Variants in CDKL5 observed in about 807,000 individuals in gnomAD.
CDKL5 encodes cyclin-dependent kinase-like 5.
In CDKL5, 8 loss-of-function variants were observed where a neutral mutation model predicts 61.7. The ratio of observed to expected loss-of-function variants is 0.13; its 90% CI spans 0.08 to 0.23. CDKL5 has a LOEUF of 0.23. Ranked by LOEUF, CDKL5 falls within the 10% of genes least tolerant of loss-of-function variation. CDKL5 has a pLI of 1.00. For synonymous variants in CDKL5, 275 were observed against 272.3 expected (o/e 1.01, Z -0.10); for missense variants, 440 against 734.5 (o/e 0.60, Z 4.63).
intron 3 of CDKL5, among the ~76,000 whole-genome samples, chrX:18,528,085 G>T (rs1055054832): frequency 6.3e-5 from 7 of 110,803 alleles, no homozygotes; most frequent in Non-Finnish European, 1.3e-4. Context: ...ATTTATTAAG[G>T]TATATGTTAT....
At chrX:18,557,360 C>A (rs1924642023) in intron 3 of CDKL5, among the ~76,000 whole-genome samples, 1 of 111,662 alleles carries the variant, frequency 9.0e-6, no homozygotes, top group African/African-American at 3.3e-5. Flanking sequence ...AGTATATAGG[C>A]GAATGTGCAT....
Position 18,563,466 on chromosome X carries a change from A to C in CDKL5, c.100-1011A>C, listed in dbSNP as rs17313028. Among the ~76,000 whole-genome samples, 187 of 112,051 alleles carry C rather than the reference A, an allele frequency of 1.7e-3. No homozygotes were observed. The South Asian group carries it at 0.025, about 15-fold the overall frequency. ...TGTACAAATAAGTTGTACCCTATAC[A>C]TACAAGTAAGTTGTCTCTACCCTAC... is the stretch of plus-strand genomic sequence containing the variant. On this transcript the variant is annotated intron_variant, in intron 3 of 17. Transcript: ENST00000623535.
intron 1 of CDKL5, among the ~76,000 whole-genome samples, chrX:18,484,780 C>T (rs1476909787): frequency 9.1e-6 from 1 of 109,502 alleles, no homozygotes; most frequent in Non-Finnish European, 1.9e-5. Flanking sequence ...TCAGGATCTT[C>T]CTCTGTCATC....
At chrX:18,542,877 C>T (rs1427195102) in intron 3 of CDKL5, among the ~76,000 whole-genome samples, 2 of 110,900 alleles carry the variant, frequency 1.8e-5, no homozygotes, top group African/African-American at 6.6e-5. Context: ...TGTTCAGCTC[C>T]TCATTTGGCC....
intron 1 of CDKL5, among the ~76,000 whole-genome samples, chrX:18,453,886 T>C (rs1932079418): frequency 8.9e-6 from 1 of 112,306 alleles, no homozygotes; most frequent in Admixed American, 9.5e-5. Flanking sequence ...TTGAGCTCGT[T>C]TTGTTTTACT....
intron 20 of CDKL5, among the ~76,000 whole-genome samples, chrX:18,648,940 G>A (rs745527450): frequency 2.4e-4 from 26 of 108,679 alleles, no homozygotes; most frequent in South Asian, 2.1e-3. Context: ...CCCAGCTACC[G>A]GGGAGGCTGA....
chrX:18,590,413 G>C (rs2147150267), intron 9 of CDKL5, among the ~76,000 whole-genome samples: 1 of 111,775 alleles, frequency 8.9e-6, no homozygotes, highest in African/African-American at 3.2e-5. Flanking sequence ...ATGTTACCTT[G>C]CCATTTACAA....
intron 1 of CDKL5, among the ~76,000 whole-genome samples, chrX:18,489,207 C>G (rs1210664255): frequency 1.8e-5 from 2 of 110,970 alleles, no homozygotes; most frequent in African/African-American, 3.3e-5. Context: ...CAACCTCCGC[C>G]TCCCAGGTTC....
chrX:18,457,848 T>A (rs1257682447), intron 1 of CDKL5, among the ~76,000 whole-genome samples: 1 of 106,349 alleles, frequency 9.4e-6, no homozygotes, highest in Non-Finnish European at 1.9e-5. Flanking sequence ...ACTCCTGACC[T>A]CGTGATTGAC....
chrX:18,471,625 G>T (rs954349670), intron 1 of CDKL5, among the ~76,000 whole-genome samples: 1 of 111,732 alleles, frequency 8.9e-6, no homozygotes, highest in Non-Finnish European at 1.9e-5. Context: ...CCCCTACCTT[G>T]GTCTCCCAAG....
At chrX:18,512,261 C>T (rs1331930533) in intron 3 of CDKL5, among the ~76,000 whole-genome samples, 5 of 111,488 alleles carry the variant, frequency 4.5e-5, no homozygotes, top group Admixed American at 9.6e-5. Context: ...TAAGTTTTTT[C>T]GTGATGTTTC....
intron 1 of CDKL5, among the ~76,000 whole-genome samples, chrX:18,502,580 T>C (rs1273050255): frequency 1.8e-5 from 2 of 111,241 alleles, no homozygotes; most frequent in African/African-American, 6.5e-5. Context: ...TAGAGGGTTT[T>C]GAATGAGAAG....
At chrX:18,616,353 C>T (rs1187902855) in intron 15 of CDKL5, among the ~76,000 whole-genome samples, 4 of 111,316 alleles carry the variant, frequency 3.6e-5, no homozygotes, top group African/African-American at 6.5e-5. Context: ...TGGCCAGGCA[C>T]GGTGGCTCAC....
rs891117762 is a variant in CDKL5, at chrX:18,604,514, A to C, written c.1590A>C (p.Pro530=). 5 of 1,209,657 alleles carry C rather than the reference A, an allele frequency of 4.1e-6. No individual in the cohort carries two copies. Among genetic ancestry groups the C allele is most frequent in the Non-Finnish European group, 5.6e-6 (5 of 895,146 alleles). ...TAGACTTGAATTCTCCCACCAGCCC[A>C]ACCCCCACCAGACACAGTGACACGA... The part of the protein sequence containing the change: ...SCLDLNSPTS[P]TPTRHSDTRT... Residue 530 remains proline, a synonymous_variant, in exon 12 of 18, where the codon CCA becomes CCC. Coordinates refer to ENST00000623535, the MANE Select transcript of CDKL5 (RefSeq NM_001323289.2).
exon 21 of CDKL5, chrX:18,650,473 T>C (rs1927982126): frequency 8.3e-7 from 1 of 1,211,898 alleles, no homozygotes; most frequent in Non-Finnish European, 1.1e-6. Flanking sequence ...AACCGAGCCC[T>C]TCATCGTCCA....
intron 5 of CDKL5, 92 bp downstream of exon 5, chrX:18,575,582 T>C (rs749216206): frequency 1.8e-5 from 15 of 829,252 alleles, no homozygotes; most frequent in Non-Finnish European, 2.5e-5. Flanking sequence ...TTATCTAATA[T>C]GGCTTATCAA....
At chrX:18,556,526 T>C (rs1425653595) in intron 3 of CDKL5, among the ~76,000 whole-genome samples, 2 of 111,486 alleles carry the variant, frequency 1.8e-5, no homozygotes, top group Admixed American at 9.6e-5. Context: ...ATCTGTAAAA[T>C]GAGCATGAGA....
chrX:18,645,970 G>A (rs144097628), intron 19 of CDKL5: 15 of 1,207,429 alleles, frequency 1.2e-5, no homozygotes, highest in Middle Eastern at 2.3e-4. Context: ...CAAGTCATGC[G>A]CACTCTGCTG....
At chrX:18,542,342 C>T (rs971421786) in intron 3 of CDKL5, among the ~76,000 whole-genome samples, 1 of 111,737 alleles carries the variant, frequency 8.9e-6, no homozygotes, top group Non-Finnish European at 1.9e-5. Flanking sequence ...ATGTTCTCTT[C>T]GCAGCATTTG....
Sources: allele counts gnomAD v4.1 joint callset (sites outside exome capture counted in the v4.1 genomes callset), GRCh38; gene constraint gnomAD v4.1.1; transcripts MANE v1.5; gene names NCBI Gene and HGNC (gene_info 2026-07-23, HGNC 2026-07-21).